Variants in STPG2 observed in about 807,000 individuals in gnomAD.
The protein encoded by STPG2 is sperm-tail PG-rich repeat-containing protein 2.
In STPG2, 56 loss-of-function variants were observed where a neutral mutation model predicts 54.2. That is an observed-to-expected ratio of 1.03 (90% CI 0.83 to 1.29). The LOEUF (loss-of-function observed/expected upper bound fraction) is 1.29, where lower values mean the gene tolerates loss of function less well. Among genes scored for constraint, STPG2 ranks in the 50% most tolerant of loss-of-function variants. The pLI is 0.00. For missense variants in STPG2, 596 were observed against 544.9 expected, an observed-to-expected ratio of 1.09 and a Z score of -0.93; for synonymous variants, 200 against 181.8, an observed-to-expected ratio of 1.10 and a Z score of -0.81.
chr4:97,478,873 ATGTGTGTGTGTGTGTGTGTGTGTG>A (rs35662485), intron 4 of STPG2, among the ~76,000 whole-genome samples: 1 of 134,038 alleles, frequency 7.5e-6, no homozygotes, highest in South Asian at 2.6e-4. Context: ...CAAGCCAAAT[ATGTGTGTGTGTGTGTGTGTGTGTG>A]TGTGTGTGTG....
At chr4:97,682,480 T>G (rs1002720757) in intron 10 of STPG2, among the ~76,000 whole-genome samples, 4 of 151,854 alleles carry the variant, frequency 2.6e-5, no homozygotes, top group African/African-American at 9.7e-5. Flanking sequence ...ACAGATACAC[T>G]TTGCATAAGC....
chr4:97,595,687 C>CA (rs1004615227), intron 10 of STPG2, among the ~76,000 whole-genome samples: 84 of 151,618 alleles, frequency 5.5e-4, no homozygotes, highest in African/African-American at 2.0e-3. Flanking sequence ...AAGCAAAGGA[C>CA]AAAAAAGATC....
chr4:97,842,171 G>T lies in STPG2; in HGVS notation c.1045-1239C>A, dbSNP rs569297781. 2.6e-5 allele frequency among the ~76,000 whole-genome samples: 4 copies of T among 151,708 alleles called. No homozygotes were observed. The South Asian group carries it at 8.3e-4, about 31-fold the overall frequency. On this transcript the variant is annotated intron_variant, in intron 8 of 10. Coordinates refer to ENST00000295268, the MANE Select transcript of STPG2 (RefSeq NM_174952.3). ...CACTTCCAAAGAATCACAAAATATG[G>T]TAAGATCATGACTAGGGGAGGGGAT...
At chr4:97,587,842 T>G (rs546101688) in intron 10 of STPG2, among the ~76,000 whole-genome samples, 1 of 152,108 alleles carries the variant, frequency 6.6e-6, no homozygotes, top group South Asian at 2.1e-4. Context: ...ATCCTGACCC[T>G]CCTTAAGTCT....
chr4:98,046,802 T>A (rs980242152), intron 5 of STPG2, among the ~76,000 whole-genome samples: 1 of 152,184 alleles, frequency 6.6e-6, no homozygotes, highest in Non-Finnish European at 1.5e-5. Flanking sequence ...ACTGCTTTGC[T>A]TTTTGTCACC....
At chr4:97,944,098 A>T (rs369863947) in intron 7 of STPG2, 91 bp from the exon 8 acceptor site, 1 of 805,372 alleles carries the variant, frequency 1.2e-6, no homozygotes, top group African/African-American at 1.8e-5. Context: ...GAAGTTCATC[A>T]GTATTATCTG....
intron 9 of STPG2, among the ~76,000 whole-genome samples, chr4:97,835,719 T>A (rs1384051057): frequency 1.3e-5 from 2 of 152,102 alleles, no homozygotes; most frequent in Non-Finnish European, 2.9e-5. Flanking sequence ...ATTTAAAACC[T>A]TCTGGAAAGG....
chr4:97,457,091 C>T (rs1729548166), intron 4 of STPG2, among the ~76,000 whole-genome samples: 1 of 152,026 alleles, frequency 6.6e-6, no homozygotes, highest in South Asian at 2.1e-4. Context: ...AAAAGCAAAA[C>T]ATTGATAATA....
intron 4 of STPG2, among the ~76,000 whole-genome samples, chr4:97,446,524 G>T (rs1729226167): frequency 6.6e-6 from 1 of 152,194 alleles, no homozygotes; most frequent in South Asian, 2.1e-4. Context: ...TATACTCACT[G>T]ATATGGTTTG....
intron 10 of STPG2, among the ~76,000 whole-genome samples, chr4:97,630,884 T>C (rs986970818): frequency 6.6e-6 from 1 of 151,826 alleles, no homozygotes; most frequent in Non-Finnish European, 1.5e-5. Flanking sequence ...GACTACATGA[T>C]TCATATGAAA....
chr4:98,105,440 C>T (rs930341575), intron 5 of STPG2, among the ~76,000 whole-genome samples: 4 of 152,048 alleles, frequency 2.6e-5, no homozygotes, highest in Admixed American at 2.6e-4. Context: ...TTCTCTCTCC[C>T]AAGTTCAGAG....
At position 97,537,169 on chromosome 4, in the gene STPG2, T is replaced by C. The variant is rs929162396; in HGVS notation, c.462+175530A>G. Among the ~76,000 whole-genome samples, 17 of 152,210 alleles carry C rather than the reference T, an allele frequency of 1.1e-4. No homozygotes were observed. In the South Asian group the frequency reaches 3.3e-3, roughly 30 times the overall value. ...ATTTCCAACTGAGGTACCGTGTTCA[T>C]CTCACTGGGACCTGTCGGACAGTGG... On this transcript the variant is annotated intron_variant, in intron 4 of 4. Coordinates refer to the STPG2 transcript ENST00000522676.
intron 4 of STPG2, among the ~76,000 whole-genome samples, chr4:97,521,233 TA>T: frequency 6.6e-6 from 1 of 152,048 alleles, no homozygotes; most frequent in East Asian, 1.9e-4. Context: ...AATTCTTGCT[TA>T]AAAAAATAAT....
chr4:97,929,987 C>A (rs1732482173), intron 8 of STPG2, among the ~76,000 whole-genome samples: 1 of 152,248 alleles, frequency 6.6e-6, no homozygotes, highest in Admixed American at 6.5e-5. Context: ...GCAACCTCCA[C>A]CTCCCAGGTT....
intron 4 of STPG2, among the ~76,000 whole-genome samples, chr4:98,107,231 A>T (rs1739214691): frequency 6.6e-6 from 1 of 152,172 alleles, no homozygotes; most frequent in African/African-American, 2.4e-5. Flanking sequence ...AGAGTAACCA[A>T]ATATCTCCAC....
intron 3 of STPG2, among the ~76,000 whole-genome samples, chr4:98,123,272 T>C (rs1270613762): frequency 6.6e-6 from 1 of 152,190 alleles, no homozygotes; most frequent in Admixed American, 6.5e-5. Flanking sequence ...TTCTTTTAGT[T>C]GTAATGTTAG....
rs1037343937 is a variant in STPG2, at chr4:97,887,568, C to T, written c.1045-46636G>A. 1.8e-4 allele frequency among the ~76,000 whole-genome samples: 28 copies of T among 152,202 alleles called. No individual in the cohort carries two copies. In the Middle Eastern group the frequency reaches 0.014, roughly 74 times the overall value. ...GCCTGTCTGCTTCTAAAAACCTATA[C>T]TCATATACATGAGGAAATCAATGAC... On this transcript the variant is annotated intron_variant, in intron 8 of 10. Transcript: ENST00000295268.
chr4:97,519,344 T>C (rs1731136378), intron 4 of STPG2, among the ~76,000 whole-genome samples: 1 of 152,006 alleles, frequency 6.6e-6, no homozygotes, highest in South Asian at 2.1e-4. Flanking sequence ...TCCCATCTGC[T>C]TGCCCTGGAA....
intron 5 of STPG2, among the ~76,000 whole-genome samples, chr4:97,985,472 G>T (rs1262563066): frequency 6.6e-6 from 1 of 152,196 alleles, no homozygotes; most frequent in African/African-American, 2.4e-5. Flanking sequence ...AATGCATTTA[G>T]ATAAAATGCC....
Sources: allele counts gnomAD v4.1 joint callset (sites outside exome capture counted in the v4.1 genomes callset), GRCh38; gene constraint gnomAD v4.1.1; transcripts MANE v1.5; gene names NCBI Gene and HGNC (gene_info 2026-07-23, HGNC 2026-07-21).